The following ZBTB20 variants were observed in gnomAD, a reference collection of about 807,000 sequenced individuals.
ZBTB20 encodes zinc finger and BTB domain containing 20.
In ZBTB20, 9 loss-of-function variants were observed where a neutral mutation model predicts 56.9. That is an observed-to-expected ratio of 0.16 (90% CI 0.10 to 0.28). ZBTB20 has a LOEUF of 0.28. Ranked by LOEUF, ZBTB20 falls within the 10% of genes least tolerant of loss-of-function variation. ZBTB20 has a pLI of 1.00. For missense variants in ZBTB20, 655 were observed against 1,003.0 expected (o/e 0.65, Z 4.69); for synonymous variants, 417 against 420.7 (o/e 0.99, Z 0.11).
At chr3:114,901,635 A>G (rs1182697803) in intron 3 of ZBTB20, among the ~76,000 whole-genome samples, 3 of 152,146 alleles carry the variant, frequency 2.0e-5, no homozygotes, top group Non-Finnish European at 4.4e-5. Context: ...CTAAATATCT[A>G]ATAGAAAAAT....
chr3:114,874,091 G>C (rs2076106750), intron 4 of ZBTB20: 1 of 152,128 alleles, frequency 6.6e-6, no homozygotes, highest in South Asian at 2.1e-4. Flanking sequence ...GTGAAGATGA[G>C]CTGTGCTTAG....
chr3:114,599,696 T>G (rs536334027), intron 6 of ZBTB20, among the ~76,000 whole-genome samples: 11 of 152,058 alleles, frequency 7.2e-5, no homozygotes, highest in Non-Finnish European at 2.9e-5. Context: ...AAAATACCTC[T>G]ATTATTATTG....
chr3:114,633,071 AT>A (rs2059049404), intron 6 of ZBTB20, among the ~76,000 whole-genome samples: 1 of 152,220 alleles, frequency 6.6e-6, no homozygotes, highest in African/African-American at 2.4e-5. Context: ...GTAATCACCT[AT>A]TTCTAAGGAT....
chr3:115,128,926 C>T (rs1428589970), intron 1 of ZBTB20, among the ~76,000 whole-genome samples: 2 of 152,130 alleles, frequency 1.3e-5, no homozygotes, highest in African/African-American at 4.8e-5. Context: ...AGTGAAACCC[C>T]GTCTCTACTA....
intron 7 of ZBTB20, among the ~76,000 whole-genome samples, chr3:114,489,898 CT>C (rs1251917130): frequency 2.0e-5 from 3 of 152,158 alleles, no homozygotes; most frequent in Non-Finnish European, 4.4e-5. Context: ...TCTTTCTAAG[CT>C]ATCATTTTAT....
intron 6 of ZBTB20, among the ~76,000 whole-genome samples, chr3:114,553,017 C>A (rs1488768150): frequency 2.6e-5 from 4 of 152,162 alleles, no homozygotes. Context: ...CAAATTTACC[C>A]TTTTCTCTCC....
chr3:114,333,707 A>G lies in ZBTB20; in HGVS notation c.*5298T>C, dbSNP rs1055758401. 6.6e-6 allele frequency: 1 copy of G among 151,904 alleles called. No individual in the cohort carries two copies. Among genetic ancestry groups the G allele is most frequent in the Admixed American group, 6.6e-5 (1 of 15,252 alleles). The allele number at this position is 151,904 out of a possible 1,614,324, so 9.4% of individuals were successfully genotyped here. A position where few individuals can be genotyped will look rare whatever the true frequency, so the allele number is the denominator to read the frequency against. ...CTTTTTCTGAGGAACAAAATTGGCC[A>G]TTTAAATAAAGTTCTTTTCTAGTGA... On this transcript the variant is annotated 3_prime_UTR_variant, in exon 12 of 12. Transcript: ENST00000675478.
intron 2 of ZBTB20, among the ~76,000 whole-genome samples, chr3:115,055,695 T>C (rs1257454799): frequency 6.6e-6 from 1 of 151,832 alleles, no homozygotes; most frequent in Non-Finnish European, 1.5e-5. Flanking sequence ...GCTCAATGAA[T>C]GTCATTTTTT....
intron 4 of ZBTB20, among the ~76,000 whole-genome samples, chr3:114,842,265 G>C (rs1378279469): frequency 6.6e-6 from 1 of 152,050 alleles, no homozygotes; most frequent in Non-Finnish European, 1.5e-5. Flanking sequence ...TGTCATTTTA[G>C]AGGGGTGAAG....
At chr3:114,699,651 G>A (rs2063274051) in intron 5 of ZBTB20, among the ~76,000 whole-genome samples, 1 of 152,114 alleles carries the variant, frequency 6.6e-6, no homozygotes, top group South Asian at 2.1e-4. Flanking sequence ...GACTGAGCAT[G>A]TAGATATTAG....
intron 7 of ZBTB20, among the ~76,000 whole-genome samples, chr3:114,433,984 G>C (rs1045031680): frequency 6.6e-6 from 1 of 152,136 alleles, no homozygotes; most frequent in Non-Finnish European, 1.5e-5. Context: ...CTCACACTGG[G>C]TCACCCCATA....
At chr3:114,986,926 T>C (rs983031859) in intron 2 of ZBTB20, among the ~76,000 whole-genome samples, 4 of 152,150 alleles carry the variant, frequency 2.6e-5, no homozygotes, top group Non-Finnish European at 1.5e-5. Context: ...TCAGCCCGTC[T>C]AATCATGATA....
At chr3:115,100,010 C>A (rs1204552267) in intron 1 of ZBTB20, among the ~76,000 whole-genome samples, 1 of 152,022 alleles carries the variant, frequency 6.6e-6, no homozygotes, top group African/African-American at 2.4e-5. Flanking sequence ...GGTAGGCCTC[C>A]TACAGATGTT....
At chr3:114,455,045 A>G (rs2091919882) in intron 7 of ZBTB20, among the ~76,000 whole-genome samples, 1 of 129,108 alleles carries the variant, frequency 7.7e-6, no homozygotes, top group Non-Finnish European at 1.6e-5. Context: ...GAGAGGGGGA[A>G]GAGAGAGAGG....
chr3:115,067,609 TC>T (rs1271275925), intron 2 of ZBTB20, among the ~76,000 whole-genome samples: 1 of 151,764 alleles, frequency 6.6e-6, no homozygotes, highest in Non-Finnish European at 1.5e-5. Context: ...CCACAGCACA[TC>T]CCTCTGATAC....
At chr3:114,367,438 T>C (rs2082533525) in intron 10 of ZBTB20, among the ~76,000 whole-genome samples, 1 of 152,116 alleles carries the variant, frequency 6.6e-6, no homozygotes, top group South Asian at 2.1e-4. Context: ...GCTAACTGTT[T>C]TGTAGAGATG....
chr3:114,649,982 C>G (rs1049614036), intron 6 of ZBTB20, among the ~76,000 whole-genome samples: 1 of 151,826 alleles, frequency 6.6e-6, no homozygotes, highest in African/African-American at 2.4e-5. Context: ...CTACTCCAGA[C>G]TAGGCACTAC....
At chr3:114,699,461 A>AAT (rs1176324670) in intron 5 of ZBTB20, among the ~76,000 whole-genome samples, 1 of 152,024 alleles carries the variant, frequency 6.6e-6, no homozygotes, top group African/African-American at 2.4e-5. Flanking sequence ...GGAAAAAAAA[A>AAT]ATTCTGGTTT....
chr3:114,951,251 T>G (rs971661737), intron 3 of ZBTB20, among the ~76,000 whole-genome samples: 2 of 152,158 alleles, frequency 1.3e-5, no homozygotes, highest in South Asian at 2.1e-4. Context: ...TTGTTTTTTT[T>G]TCTCTGTTTT....
Sources: allele counts gnomAD v4.1 joint callset (sites outside exome capture counted in the v4.1 genomes callset), GRCh38; gene constraint gnomAD v4.1.1; transcripts MANE v1.5; gene names NCBI Gene and HGNC (gene_info 2026-07-23, HGNC 2026-07-21).